ATP9A: variants seen among roughly 807,000 people sequenced by gnomAD.
ATP9A encodes probable phospholipid-transporting ATPase IIA.
ATP9A carries 52 observed loss-of-function variants against 144.1 expected under a neutral mutation model. The ratio of observed to expected loss-of-function variants is 0.36; its 90% CI spans 0.29 to 0.45. ATP9A has a LOEUF of 0.45. Among genes scored for constraint, ATP9A ranks in the 20% least tolerant of loss-of-function variants. The pLI is 1.00. For missense variants in ATP9A, 947 were observed against 1,392.7 expected (o/e 0.68, Z 5.09); for synonymous variants, 582 against 557.4 (o/e 1.04, Z -0.62).
Position 51,644,554 on chromosome 20 carries a change from G to A in ATP9A, c.1507-5050C>T, listed in dbSNP as rs553692831. Among the ~76,000 whole-genome samples, 8 of 152,124 alleles carry A rather than the reference G, an allele frequency of 5.3e-5. 1 individual carries two copies. The highest frequency in any genetic ancestry group is 1.5e-5 in the Non-Finnish European group (1 of 67,994). On this transcript the variant is annotated intron_variant, in intron 14 of 27. Coordinates refer to ENST00000338821, the MANE Select transcript of ATP9A (RefSeq NM_006045.3). ...CAAAGTGCTGGAATTACAGGCATGG[G>A]CCATGGCGCCCGGCCACTTCTAGCT...
chr20:51,753,951 C>T (rs937971421), intron 1 of ATP9A, among the ~76,000 whole-genome samples: 83 of 151,946 alleles, frequency 5.5e-4, no homozygotes, highest in Admixed American at 4.0e-3. Flanking sequence ...GGGTTACAGG[C>T]ACGAGCCACC....
At chr20:51,619,192 G>T in intron 19 of ATP9A, 149 bp from the exon 20 acceptor site, 1 of 641,628 alleles carries the variant, frequency 1.6e-6, no homozygotes. Context: ...GCACCAAATG[G>T]AATCCTATTG....
intron 13 of ATP9A, among the ~76,000 whole-genome samples, chr20:51,660,995 G>A (rs752696769): frequency 1.4e-4 from 21 of 152,174 alleles, no homozygotes; most frequent in Non-Finnish European, 2.5e-4. Flanking sequence ...GGTCAGAAGT[G>A]ACTTCAGAAC....
chr20:51,766,153 G>A (rs1306539373), intron 1 of ATP9A, among the ~76,000 whole-genome samples: 1 of 152,096 alleles, frequency 6.6e-6, no homozygotes, highest in Non-Finnish European at 1.5e-5. Context: ...TTCATGTACT[G>A]ACTCAAAAGT....
chr20:51,642,917 T>G (rs540925148), intron 14 of ATP9A, among the ~76,000 whole-genome samples: 1 of 151,860 alleles, frequency 6.6e-6, no homozygotes. Flanking sequence ...GAAGAAGAGA[T>G]CAAGCTGGAG....
At chr20:51,674,865 C>A (rs1254799345) in intron 10 of ATP9A, among the ~76,000 whole-genome samples, 1 of 152,104 alleles carries the variant, frequency 6.6e-6, no homozygotes, top group Non-Finnish European at 1.5e-5. Flanking sequence ...CTTTGTCACC[C>A]AGGCTGGAAT....
chr20:51,723,168 T>A (rs537840122), intron 3 of ATP9A, among the ~76,000 whole-genome samples: 1 of 152,252 alleles, frequency 6.6e-6, no homozygotes, highest in South Asian at 2.1e-4. Context: ...CCAAACATCA[T>A]ATGTTTTCAC....
intron 19 of ATP9A, among the ~76,000 whole-genome samples, chr20:51,620,710 C>T (rs1460577163): frequency 2.0e-5 from 3 of 151,776 alleles, no homozygotes; most frequent in Non-Finnish European, 4.4e-5. Context: ...AAACTGCCAA[C>T]AAAAAGCATA....
chr20:51,633,179 G>T (rs2077276707), intron 15 of ATP9A, among the ~76,000 whole-genome samples: 1 of 147,330 alleles, frequency 6.8e-6, no homozygotes, highest in African/African-American at 2.4e-5. Flanking sequence ...AGCCTAAGCA[G>T]CCAAAAAATA....
intron 19 of ATP9A, 110 bp from the exon 20 acceptor site, chr20:51,619,153 GTCCC>G (rs758463968): frequency 5.0e-5 from 43 of 859,302 alleles, no homozygotes; most frequent in Non-Finnish European, 7.8e-5. Flanking sequence ...CCAGCCAAGG[GTCCC>G]TCCCCTCCCC....
rs1411669728 is a variant in ATP9A, at chr20:51,729,912, G to T, written c.135C>A (p.His45Gln). 7 of 1,605,812 alleles carry T rather than the reference G, an allele frequency of 4.4e-6. No homozygotes were observed. The highest frequency in any genetic ancestry group is 1.3e-5 in the African/African-American group (1 of 74,088). Reference protein sequence around the residue: ...EARPRTVWLGHPEKRDQRYPR... With the variant: ...EARPRTVWLGQPEKRDQRYPR... Reference sequence around the variant, plus strand: ...GATACCTCTGGTCTCTCTTCTCGGGGTGCCCCAGCCAGACAGTGCGGGGCC... The same window carrying T: ...GATACCTCTGGTCTCTCTTCTCGGGTTGCCCCAGCCAGACAGTGCGGGGCC... The change falls in exon 2 of 28, where the codon CAC becomes CAA. Residue 45 changes from histidine (H) to glutamine (Q), a missense_variant. Physicochemically the swap from His to Gln is conservative, Grantham distance 24. This residue lies in a region of ATP9A where 770 missense variants were observed against 1,047.9 expected (regional missense o/e 0.73). Transcript: ENST00000338821.
intron 14 of ATP9A, among the ~76,000 whole-genome samples, chr20:51,640,846 G>A (rs895490218): frequency 6.6e-6 from 1 of 152,186 alleles, no homozygotes; most frequent in African/African-American, 2.4e-5. Context: ...GCCCTGCAGG[G>A]ACTAGGGCCA....
chr20:51,689,222 G>A (rs6067899), intron 8 of ATP9A, 83 bp from the exon 9 acceptor site: 363,691 of 1,391,896 alleles, frequency 0.26, 50,042 homozygotes, highest in Non-Finnish European at 0.28. Flanking sequence ...GTCCGCTGGA[G>A]ATAGAAAGAC....
chr20:51,647,354 G>T (rs2122757666), intron 14 of ATP9A, among the ~76,000 whole-genome samples: 1 of 152,182 alleles, frequency 6.6e-6, no homozygotes, highest in Non-Finnish European at 1.5e-5. Context: ...TTCAAGACCA[G>T]CCTAGCCAAC....
rs2077185728 is a variant in ATP9A, at chr20:51,611,727, T to A, written c.2572-1562A>T. On this transcript the variant is annotated intron_variant, in intron 23 of 27. Transcript: ENST00000338821. This position sits in a 1 kb window ranked among gnomAD's most constrained non-coding sequence, Gnocchi z 4.2. ...ATGAGTCCAAGGACGGGCTGATTAA[T>A]CTCCCAATCATTAAAGCCACAGCAT... Among the ~76,000 whole-genome samples, 1 of 152,186 alleles carries A rather than the reference T, an allele frequency of 6.6e-6. No homozygotes were observed. The highest frequency in any genetic ancestry group is 2.4e-5 in the African/African-American group (1 of 41,436).
chr20:51,650,207 T>C (rs1004761583), intron 14 of ATP9A, among the ~76,000 whole-genome samples: 2 of 152,198 alleles, frequency 1.3e-5, no homozygotes, highest in Non-Finnish European at 2.9e-5. Context: ...TAAAGCTGCA[T>C]CTATAATTTA....
rs917949927 is a variant in ATP9A at position 51,619,587 on chromosome 20, G to C, written c.2116-544C>G. ...TTTAAAAAAAAAAAAGGGGGGGGGG[G>C]GCCAGGTACGGTGGCTCACACCTGT... is the stretch of plus-strand genomic sequence containing the variant. On this transcript the variant is annotated intron_variant, in intron 19 of 27. Transcript: ENST00000338821. Among the ~76,000 whole-genome samples the C allele has an allele frequency of 3.5e-5, 5 of 143,030 alleles. No homozygotes were observed. The South Asian group carries it at 6.8e-4, about 19-fold the overall frequency. 93.8% of individuals were successfully genotyped at this position (143,030 alleles called of 152,430 possible).
At chr20:51,691,468 C>CA (rs1168078282) in intron 7 of ATP9A, among the ~76,000 whole-genome samples, 1 of 151,612 alleles carries the variant, frequency 6.6e-6, no homozygotes, top group African/African-American at 2.4e-5. Flanking sequence ...GACTCCGTCT[C>CA]AAAAAAGAAA....
chr20:51,598,718 G>T lies in ATP9A; in HGVS notation c.*2493C>A, dbSNP rs2077129625. 6.6e-6 allele frequency: 1 copy of T among 152,094 alleles called. No homozygotes were observed. The highest frequency in any genetic ancestry group is 1.5e-5 in the Non-Finnish European group (1 of 68,048). The allele number at this position is 152,094 out of a possible 1,614,324, so 9.4% of individuals were successfully genotyped here. A position where few individuals can be genotyped will look rare whatever the true frequency, so the allele number is the denominator to read the frequency against. On this transcript the variant is annotated 3_prime_UTR_variant, in exon 28 of 28. Coordinates refer to ENST00000338821, the MANE Select transcript of ATP9A (RefSeq NM_006045.3). ...AGGTAAAGATCGTGTCCTCTCACCGGACTGCATCCTCCTGCCTTTGCGTCT... is the reference window on the plus strand; with the variant it reads ...AGGTAAAGATCGTGTCCTCTCACCGTACTGCATCCTCCTGCCTTTGCGTCT...
Sources: gnomAD v4.1 joint callset for allele counts (sites outside exome capture counted in the v4.1 genomes callset) on GRCh38, gnomAD v4.1.1 for gene constraint, gnomAD v4.1.1 regional missense constraint, Gnocchi (gnomAD v3.1) non-coding constraint, MANE v1.5 for transcripts, NCBI Gene and HGNC (gene_info 2026-07-23, HGNC 2026-07-21) for gene names.